Variants in MEOX1 observed in about 807,000 individuals in gnomAD.
MEOX1 encodes homeobox protein MOX-1.
In MEOX1, 17 loss-of-function variants were observed where a neutral mutation model predicts 23.2. The observed-to-expected ratio is 0.73, with a 90% CI of 0.50 to 1.10. The LOEUF is 1.10. Ranked by LOEUF, MEOX1 falls within the 50% of genes least tolerant of loss-of-function variation. The pLI is 0.00. For missense variants in MEOX1, 333 were observed against 332.2 expected (o/e 1.00, Z -0.02); for synonymous variants, 134 against 135.1 (o/e 0.99, Z 0.06).
intron 2 of MEOX1, 98 bp downstream of exon 2, chr17:43,643,390 G>A: frequency 8.6e-7 from 1 of 1,156,660 alleles, no homozygotes; most frequent in South Asian, 1.7e-5. Context: ...ACTGGCTGGA[G>A]GAAGAAAAAG....
intron 1 of MEOX1, among the ~76,000 whole-genome samples, chr17:43,651,825 C>T (rs1379456590): frequency 1.3e-5 from 2 of 152,330 alleles, no homozygotes; most frequent in South Asian, 2.1e-4. Context: ...GGGAGAGTGG[C>T]GGAGCAGAGC....
rs146876154 is a variant in MEOX1 at position 43,661,218 on chromosome 17, T to G, written c.317A>C (p.Asn106Thr). The G allele has an allele frequency of 4.7e-5, 75 of 1,609,258 alleles. No homozygotes were observed. Among genetic ancestry groups the G allele is most frequent in the East Asian group, 2.5e-4 (11 of 44,788 alleles). Residue 106 changes from asparagine to threonine, a missense_variant, in exon 1 of 3, where the codon AAC becomes ACC. By Grantham distance (65) the Asn-to-Thr change is moderately conservative (BLOSUM62 0). Coordinates refer to ENST00000318579, the MANE Select transcript of MEOX1 (RefSeq NM_004527.4). ...FPVSDARRRP[N>T]SGPAGGSKEM... Reference sequence around the variant, plus strand: ...CTTGGAACCCCCTGCCGGGCCTGAGTTGGGCCTGCGCCGGGCGTCTGAGAC... The same window carrying G: ...CTTGGAACCCCCTGCCGGGCCTGAGGTGGGCCTGCGCCGGGCGTCTGAGAC...
chr17:43,645,645 G>A (rs1224852433), intron 1 of MEOX1, among the ~76,000 whole-genome samples: 1 of 152,202 alleles, frequency 6.6e-6, no homozygotes, highest in African/African-American at 2.4e-5. Flanking sequence ...GCTACCTGGG[G>A]GACTGGGCTG....
rs546024744 is a variant in MEOX1 at position 43,651,181 on chromosome 17, T to TG, written c.470-7522dup. Among the ~76,000 whole-genome samples, 22 of 151,906 alleles carry TG rather than the reference T, an allele frequency of 1.4e-4. No homozygotes were observed. The South Asian group carries it at 4.6e-3, about 32-fold the overall frequency. On this transcript the variant is annotated intron_variant, in intron 1 of 2. Coordinates refer to ENST00000318579, the MANE Select transcript of MEOX1 (RefSeq NM_004527.4). ...AAAATACAAAAAAATTAGCCGGGTG[T>TG]GGTGGCGGGTGCCTGTAGTCCCAGC...
At position 43,661,363 on chromosome 17, in the gene MEOX1, C is replaced by T; in HGVS notation, c.172G>A (p.Ala58Thr). ...KPDFLATATA[A>T]YPDFSASCLA... ...CAGGAGGCTGAGAAGTCAGGGTACGCTGCCGTCGCTGTCGCCAGGAAGTCT... is the reference window on the plus strand; with the variant it reads ...CAGGAGGCTGAGAAGTCAGGGTACGTTGCCGTCGCTGTCGCCAGGAAGTCT... The change falls in exon 1 of 3, where the codon GCG (alanine) becomes ACG (threonine). Residue 58 changes from alanine to threonine, a missense_variant. Transcript: ENST00000318579. 6.2e-7 allele frequency: 1 copy of T among 1,609,820 alleles called. No individual in the cohort carries two copies. Among genetic ancestry groups the T allele is most frequent in the Non-Finnish European group, 8.5e-7 (1 of 1,178,282 alleles).
intron 1 of MEOX1, among the ~76,000 whole-genome samples, chr17:43,654,649 CT>C (rs1972980388): frequency 1.3e-5 from 2 of 152,134 alleles, no homozygotes; most frequent in South Asian, 2.1e-4. Context: ...AGCGAGACCC[CT>C]GTCTCTATAT....
rs1439379118 is a variant in MEOX1, at chr17:43,661,387, C to T, written c.148G>A (p.Asp50Asn). ...GCTGCCGTCGCTGTCGCCAGGAAGT[C>T]TGGTTTCTGGTGGAAGGAGAACGGG... ...PTPFSFHQKP[D>N]FLATATAAYP... is the part of the protein sequence containing the mutation. Residue 50 changes from aspartate to asparagine, a missense_variant, in exon 1 of 3, where the codon GAC (aspartate) becomes AAC (asparagine). Physicochemically the swap from Asp to Asn is conservative, Grantham distance 23. Coordinates refer to ENST00000318579, the MANE Select transcript of MEOX1 (RefSeq NM_004527.4). 1 of 1,447,600 alleles carries T rather than the reference C, an allele frequency of 6.9e-7. No individual in the cohort carries two copies. Among genetic ancestry groups the T allele is most frequent in the East Asian group, 3.2e-5 (1 of 31,040 alleles). 89.7% of individuals were successfully genotyped at this position (1,447,600 alleles called of 1,614,324 possible). A position where few individuals can be genotyped will look rare whatever the true frequency, so the allele number is the denominator to read the frequency against.
intron 1 of MEOX1, among the ~76,000 whole-genome samples, chr17:43,644,270 G>T (rs1972761523): frequency 6.6e-6 from 1 of 152,226 alleles, no homozygotes; most frequent in African/African-American, 2.4e-5. Context: ...GAGCTGTTCA[G>T]ACCTGAAGGA....
chr17:43,661,019 C>CA, intron 1 of MEOX1, 47 bp downstream of exon 1: 1 of 1,284,252 alleles, frequency 7.8e-7, no homozygotes, highest in Non-Finnish European at 1.1e-6. Flanking sequence ...GTAACTTCCC[C>CA]AGGGTCACAC....
chr17:43,652,189 C>T (rs549984671), intron 1 of MEOX1, among the ~76,000 whole-genome samples: 1 of 152,304 alleles, frequency 6.6e-6, no homozygotes, highest in South Asian at 2.1e-4. Flanking sequence ...AAAACTTCTT[C>T]CTCACTAGGG....
chr17:43,654,879 C>T lies in MEOX1; in HGVS notation c.469+6187G>A, dbSNP rs545958306. ...CATCCTGGCTAACACAGTGAAACCC[C>T]GTCTCTACTAAAAATACAAAAAATT... On this transcript the variant is annotated intron_variant, in intron 1 of 2. Transcript: ENST00000318579. Among the ~76,000 whole-genome samples, 295 of 151,910 alleles carry T rather than the reference C, an allele frequency of 1.9e-3. 1 individual carries two copies. The highest frequency in any genetic ancestry group is 5.8e-3 in the African/African-American group (240 of 41,416).
intron 1 of MEOX1, among the ~76,000 whole-genome samples, chr17:43,653,759 C>T (rs1042406696): frequency 3.4e-4 from 51 of 151,230 alleles, no homozygotes; most frequent in African/African-American, 2.7e-4. Context: ...CCGCCCACCT[C>T]GGCCTCCCAA....
chr17:43,641,946 C>T lies in MEOX1; in HGVS notation c.729G>A (p.Glu243=), dbSNP rs188023847. The T allele has an allele frequency of 8.9e-5, 143 of 1,614,048 alleles. No individual in the cohort carries two copies. The highest frequency in any genetic ancestry group is 1.2e-4 in the Non-Finnish European group (143 of 1,179,968). Residue 243 remains glutamate (E), a synonymous_variant, in exon 3 of 3, where the codon GAG becomes GAA. Transcript: ENST00000318579. Reference sequence around the variant, plus strand: ...TTGGAGAGGCTGTGGAGTCCCCATCCTCAGGGTCCTGCCCATTGGGGGAGA... The same window carrying T: ...TTGGAGAGGCTGTGGAGTCCCCATCTTCAGGGTCCTGCCCATTGGGGGAGA... ...QPISPNGQDP[E]DGDSTASPSS...
chr17:43,645,976 G>A (rs1247402051), intron 1 of MEOX1, among the ~76,000 whole-genome samples: 2 of 152,218 alleles, frequency 1.3e-5, no homozygotes, highest in Non-Finnish European at 2.9e-5. Flanking sequence ...CCGGGGGATG[G>A]AAGGGGAGTG....
chr17:43,643,477 C>T lies in MEOX1; in HGVS notation c.642+11G>A, dbSNP rs375183146. 226 of 1,562,318 alleles carry T rather than the reference C, an allele frequency of 1.4e-4. No homozygotes were observed. Among genetic ancestry groups the T allele is most frequent in the Admixed American group, 2.7e-4 (14 of 52,770 alleles). On this transcript the variant is annotated intron_variant, in intron 2 of 2. Transcript: ENST00000318579. ...AGAGCAAAGAAGAGGAGGGGCCCAC[C>T]GGGGGCGCACCTGGCGCTCAGAGAG...
intron 1 of MEOX1, among the ~76,000 whole-genome samples, chr17:43,647,300 C>T (rs867746657): frequency 6.6e-5 from 10 of 152,170 alleles, no homozygotes; most frequent in African/African-American, 2.2e-4. Flanking sequence ...ACCCCTACCG[C>T]GCCCCCAACC....
At chr17:43,659,727 G>A (rs2154589049) in intron 1 of MEOX1, among the ~76,000 whole-genome samples, 1 of 152,208 alleles carries the variant, frequency 6.6e-6, no homozygotes, top group South Asian at 2.1e-4. Context: ...GAGAATCAAG[G>A]TACTAATAAA....
At chr17:43,651,557 A>AAAAAAG (rs1397017991) in intron 1 of MEOX1, among the ~76,000 whole-genome samples, 4 of 151,670 alleles carry the variant, frequency 2.6e-5, no homozygotes, top group African/African-American at 9.7e-5. Flanking sequence ...AGGGGGAAAA[A>AAAAAAG]AAAAGAAAAG....
chr17:43,643,542 C>T lies in MEOX1; in HGVS notation c.588G>A (p.Leu196=), dbSNP rs893251387. The T allele has an allele frequency of 1.2e-6, 2 of 1,610,390 alleles. No homozygotes were observed. Among genetic ancestry groups the T allele is most frequent in the Non-Finnish European group, 1.7e-6 (2 of 1,178,598 alleles). Residue 196 remains leucine (L), a synonymous_variant, in exon 2 of 3, where the codon CTG becomes CTA. Coordinates refer to ENST00000318579, the MANE Select transcript of MEOX1 (RefSeq NM_004527.4). ...LEAEFAHHNY[L]TRLRRYEIAV... ...CAATCTCATATCTGCGGAGCCGAGT[C>T]AGGTAGTTATGATGGGCAAACTCTG...
Sources: gnomAD v4.1 joint callset for allele counts (sites outside exome capture counted in the v4.1 genomes callset) on GRCh38, gnomAD v4.1.1 for gene constraint, MANE v1.5 for transcripts, NCBI Gene and HGNC (gene_info 2026-07-23, HGNC 2026-07-21) for gene names.